Variants in NOL4 observed in about 807,000 individuals in gnomAD.
NOL4 encodes cancer/testis antigen 125.
NOL4 carries 17 observed loss-of-function variants against 75.9 expected under a neutral mutation model. That is an observed-to-expected ratio of 0.22 (90% confidence interval 0.15 to 0.34). The LOEUF (loss-of-function observed/expected upper bound fraction) is 0.34, where lower values mean the gene tolerates loss of function less well. NOL4 is among the 10% of genes least tolerant of loss of function. The pLI is 1.00. For synonymous variants in NOL4, 292 were observed against 289.9 expected (o/e 1.01, Z -0.07); for missense variants, 614 against 793.5 (o/e 0.77, Z 2.72).
At chr18:33,980,227 A>G (rs1393894720) in intron 6 of NOL4, among the ~76,000 whole-genome samples, 1 of 152,092 alleles carries the variant, frequency 6.6e-6, no homozygotes, top group Non-Finnish European at 1.5e-5. Flanking sequence ...TTGGAGAAGG[A>G]AAACCTAAAT....
chr18:33,946,446 T>C (rs1456452933), intron 8 of NOL4, among the ~76,000 whole-genome samples: 1 of 151,776 alleles, frequency 6.6e-6, no homozygotes, highest in Non-Finnish European at 1.5e-5. Context: ...TTCTGAGAGA[T>C]TATGCAACTT....
intron 1 of NOL4, among the ~76,000 whole-genome samples, chr18:34,145,466 TAATAA>T (rs66867885): frequency 0.19 from 29,405 of 151,434 alleles, 3,022 homozygotes; most frequent in Middle Eastern, 0.24. Flanking sequence ...AAAGAGGAGA[TAATAA>T]AATAAATATA....
At chr18:33,956,525 GA>G (rs2069662102) in intron 8 of NOL4, among the ~76,000 whole-genome samples, 1 of 151,700 alleles carries the variant, frequency 6.6e-6, no homozygotes, top group Non-Finnish European at 1.5e-5. Context: ...AATAAGACAA[GA>G]AAAAAATGGT....
chr18:34,127,403 G>A (rs2080436743), intron 2 of NOL4, among the ~76,000 whole-genome samples: 1 of 151,752 alleles, frequency 6.6e-6, no homozygotes, highest in Admixed American at 6.6e-5. Context: ...TGGCCATGTA[G>A]GAAAAAGGAG....
intron 10 of NOL4, among the ~76,000 whole-genome samples, chr18:33,855,769 A>G (rs1415347177): frequency 2.0e-5 from 3 of 152,128 alleles, no homozygotes; most frequent in Non-Finnish European, 4.4e-5. Context: ...TATTTAAGTT[A>G]TAAATAAATT....
chr18:34,087,441 C>A (rs936232666), intron 5 of NOL4, among the ~76,000 whole-genome samples: 1 of 152,046 alleles, frequency 6.6e-6, no homozygotes, highest in Admixed American at 6.6e-5. Context: ...TCATTGCTAT[C>A]TGAAACAGAA....
At chr18:33,924,404 A>T (rs1180691649) in intron 9 of NOL4, among the ~76,000 whole-genome samples, 1 of 152,180 alleles carries the variant, frequency 6.6e-6, no homozygotes, top group Non-Finnish European at 1.5e-5. Flanking sequence ...CTGTTGGACA[A>T]TATTTTAAAC....
chr18:34,007,693 A>C (rs1427389729), intron 6 of NOL4, among the ~76,000 whole-genome samples: 3 of 152,010 alleles, frequency 2.0e-5, no homozygotes, highest in Non-Finnish European at 4.4e-5. Flanking sequence ...TTACATCATC[A>C]TATTTAAGCA....
intron 9 of NOL4, among the ~76,000 whole-genome samples, chr18:33,938,132 T>C (rs978776671): frequency 6.6e-6 from 1 of 152,080 alleles, no homozygotes; most frequent in Non-Finnish European, 1.5e-5. Context: ...TAAACTCATA[T>C]TCTGGCTTTC....
chr18:34,106,388 T>C (rs1030416523), intron 2 of NOL4, among the ~76,000 whole-genome samples: 114 of 152,154 alleles, frequency 7.5e-4, no homozygotes, highest in Non-Finnish European at 1.2e-3. Flanking sequence ...GCCTATCCTA[T>C]TGACTTTAAG....
chr18:34,117,629 C>T (rs1488166461), intron 2 of NOL4, among the ~76,000 whole-genome samples: 1 of 152,126 alleles, frequency 6.6e-6, no homozygotes, highest in African/African-American at 2.4e-5. Flanking sequence ...AATTAACAGG[C>T]CATCTGTTCC....
At chr18:33,855,481 A>C (rs2062797360) in intron 10 of NOL4, among the ~76,000 whole-genome samples, 1 of 152,122 alleles carries the variant, frequency 6.6e-6, no homozygotes, top group Admixed American at 6.6e-5. Flanking sequence ...GAAAAGCTGG[A>C]CCAGTTAACA....
At chr18:34,206,498 T>G (rs1285655630) in intron 1 of NOL4, among the ~76,000 whole-genome samples, 1 of 152,160 alleles carries the variant, frequency 6.6e-6, no homozygotes, top group Admixed American at 6.6e-5. Context: ...TTATATCACC[T>G]GTTTTCTAAA....
chr18:33,924,614 T>C (rs899409447), intron 9 of NOL4, among the ~76,000 whole-genome samples: 1 of 152,204 alleles, frequency 6.6e-6, no homozygotes, highest in Admixed American at 6.5e-5. Context: ...TAAATACACA[T>C]ATTTAGGGCT....
intron 5 of NOL4, among the ~76,000 whole-genome samples, chr18:34,024,194 A>ATATATATATATATATATATATATATATAT (rs1555696186): frequency 1.2e-3 from 88 of 70,566 alleles, no homozygotes; most frequent in Non-Finnish European, 1.8e-3. Context: ...AAAAAAAAAA[A>ATATATATATATATATATATATATATATAT]ATATATATAT....
intron 6 of NOL4, among the ~76,000 whole-genome samples, chr18:33,977,137 C>G (rs2071556449): frequency 6.6e-6 from 1 of 152,082 alleles, no homozygotes; most frequent in Non-Finnish European, 1.5e-5. Context: ...GTACTTAGTA[C>G]TTTACACATA....
intron 8 of NOL4, among the ~76,000 whole-genome samples, chr18:33,954,248 A>C (rs1188843107): frequency 6.6e-6 from 1 of 152,122 alleles, no homozygotes; most frequent in Non-Finnish European, 1.5e-5. Context: ...ACAAGTAAAA[A>C]ATGTCTATAC....
At chr18:33,884,877 G>A (rs897735137) in intron 9 of NOL4, among the ~76,000 whole-genome samples, 3 of 151,982 alleles carry the variant, frequency 2.0e-5, no homozygotes, top group Non-Finnish European at 4.4e-5. Context: ...AATTATTGCC[G>A]TGACTATCAG....
chr18:33,971,249 G>A (rs537019963), intron 6 of NOL4, among the ~76,000 whole-genome samples: 11 of 152,254 alleles, frequency 7.2e-5, no homozygotes, highest in Non-Finnish European at 1.0e-4. Context: ...GTGGCATAAT[G>A]CAGTTACGTT....
Sources: gnomAD v4.1 joint callset for allele counts (sites outside exome capture counted in the v4.1 genomes callset) on GRCh38, gnomAD v4.1.1 for gene constraint, MANE v1.5 for transcripts, NCBI Gene and HGNC (gene_info 2026-07-23, HGNC 2026-07-21) for gene names.